The following KNL1 variants were observed in gnomAD, a reference collection of about 807,000 sequenced individuals.
The protein encoded by KNL1 is outer kinetochore KNL1 complex subunit KNL1.
KNL1 carries 66 observed loss-of-function variants against 201.3 expected under a neutral mutation model. The ratio of observed to expected loss-of-function variants is 0.33; its 90% confidence interval spans 0.27 to 0.40. The LOEUF is 0.40. Ranked by LOEUF, KNL1 falls within the 10% of genes least tolerant of loss-of-function variation. KNL1 has a pLI of 1.00. For missense variants in KNL1, 2,815 were observed against 2,690.5 expected (o/e 1.05, Z -1.02); for synonymous variants, 895 against 899.2 (o/e 1.00, Z 0.08).
rs1892519175 is a variant in KNL1, at chr15:40,621,347, AAC to A, written c.1085_1086del (p.Thr362SerfsTer3). ...ATGGAACTAAAGCTTCAGGAAATAAAACAGTTTTTAAGAGTAAACAAAATACT... is the reference window on the plus strand; with the variant it reads ...ATGGAACTAAAGCTTCAGGAAATAAAAGTTTTTAAGAGTAAACAAAATACT... ...GYGTKASGNK[T>X]VFKSKQNTAF... On this transcript the variant is annotated frameshift_variant, in exon 10 of 26. Transcript: ENST00000399668. LOFTEE classifies it high-confidence loss of function. 6.2e-7 allele frequency: 1 copy of A among 1,612,476 alleles called. No homozygotes were observed. The highest frequency in any genetic ancestry group is 1.3e-5 in the African/African-American group (1 of 74,820).
intron 3 of KNL1, 101 bp downstream of exon 3, chr15:40,605,250 G>T: frequency 1.5e-6 from 1 of 670,444 alleles, no homozygotes; most frequent in Non-Finnish European, 2.7e-6. Flanking sequence ...TACCCTTACT[G>T]GCTTCCTGTT....
intron 22 of KNL1, among the ~76,000 whole-genome samples, chr15:40,655,952 A>C (rs976013372): frequency 1.3e-5 from 2 of 152,054 alleles, no homozygotes; most frequent in Non-Finnish European, 2.9e-5. Flanking sequence ...GGTCTTGAGC[A>C]ATGATTAATA....
At chr15:40,646,944 C>A (rs1052367432) in intron 16 of KNL1, 43 bp from the exon 17 acceptor site, 8 of 709,354 alleles carry the variant, frequency 1.1e-5, no homozygotes, top group African/African-American at 3.7e-5. Context: ...ATAATATTTT[C>A]TTTAGAGGTT....
rs780508813 is a variant in KNL1, at chr15:40,624,439, T to A, written c.4175T>A (p.Ile1392Asn). The change falls in exon 10 of 26, where the codon ATT becomes AAT. Residue 1392 changes from isoleucine to asparagine, a missense_variant. Coordinates refer to ENST00000399668, the MANE Select transcript of KNL1 (RefSeq NM_144508.5). ...ACACTGCACAAAGATCAAGATCTGA[T>A]TAAGGATCCACGAAATCTATTGGCT... ...VITLHKDQDL[I>N]KDPRNLLANQ... The A allele has an allele frequency of 1.2e-6, 2 of 1,613,876 alleles. No individual in the cohort carries two copies. The highest frequency in any genetic ancestry group is 2.7e-5 in the African/African-American group (2 of 74,940).
chr15:40,642,470 T>C (rs573447462), intron 14 of KNL1, among the ~76,000 whole-genome samples: 3 of 152,314 alleles, frequency 2.0e-5, no homozygotes, highest in African/African-American at 7.2e-5. Context: ...TTCCTGATTC[T>C]GTTCATTTAA....
chr15:40,602,499 T>G (rs1891840032), intron 1 of KNL1, among the ~76,000 whole-genome samples: 1 of 147,110 alleles, frequency 6.8e-6, no homozygotes, highest in Non-Finnish European at 1.5e-5. Flanking sequence ...TTTTTTTTTT[T>G]TTTGGAGACA....
intron 9 of KNL1, among the ~76,000 whole-genome samples, chr15:40,619,678 A>T (rs921380143): frequency 6.6e-6 from 1 of 152,188 alleles, no homozygotes; most frequent in Non-Finnish European, 1.5e-5. Flanking sequence ...TGCTGGGATT[A>T]CAAGTGTGAG....
At chr15:40,634,478 C>A (rs1158215511) in intron 13 of KNL1, among the ~76,000 whole-genome samples, 1 of 152,160 alleles carries the variant, frequency 6.6e-6, no homozygotes, top group African/African-American at 2.4e-5. Context: ...ATTATATCTC[C>A]ATAAAGCTGT....
chr15:40,603,242 T>C lies in KNL1; in HGVS notation c.35+276T>C, dbSNP rs12708401. Among the ~76,000 whole-genome samples, 119,386 of 152,098 alleles carry C rather than the reference T, an allele frequency of 0.78. 47,853 individuals carry two copies. Among genetic ancestry groups the C allele is most frequent in the Non-Finnish European group, 0.85 (57,891 of 68,010 alleles). On this transcript the variant is annotated intron_variant, in intron 2 of 25. Transcript: ENST00000399668. ...CTAATGCTATCCCTCTCCCAGTCCCTCACCCCCTGGCAGGCCCCGGTGAGT... is the reference window on the plus strand; with the variant it reads ...CTAATGCTATCCCTCTCCCAGTCCCCCACCCCCTGGCAGGCCCCGGTGAGT...
chr15:40,602,187 C>T (rs1595912773), intron 1 of KNL1, among the ~76,000 whole-genome samples: 1 of 151,734 alleles, frequency 6.6e-6, no homozygotes, highest in East Asian at 2.0e-4. Context: ...CCACCGCGCC[C>T]AGCTAATTTT....
chr15:40,645,763 G>A lies in KNL1; in HGVS notation c.5997G>A (p.Gln1999=), dbSNP rs772748385. ...TGGCTCTGTATGGCAAGCTGGTGCA[G>A]TCAGCTCAGGTAATTTGAGACAGTT... The part of the protein sequence containing the change: ...GKVALYGKLV[Q]SAQNEREKLQ... The change falls in exon 16 of 26, where the codon CAG becomes CAA. Residue 1999 remains glutamine (Q), a synonymous_variant. Coordinates refer to ENST00000399668, the MANE Select transcript of KNL1 (RefSeq NM_144508.5). The A allele has an allele frequency of 6.4e-7, 1 of 1,559,888 alleles. No individual in the cohort carries two copies. Among genetic ancestry groups the A allele is most frequent in the Non-Finnish European group, 8.8e-7 (1 of 1,140,246 alleles).
In KNL1 at chr15:40,625,413, C is replaced by T. The variant is rs371528332; in HGVS notation, c.5149C>T (p.Pro1717Ser). The T allele has an allele frequency of 2.5e-6, 4 of 1,613,786 alleles. No individual in the cohort carries two copies. Among genetic ancestry groups the T allele is most frequent in the Non-Finnish European group, 2.5e-6 (3 of 1,179,876 alleles). The change falls in exon 10 of 26, where the codon CCT (proline) becomes TCT (serine). Residue 1717 changes from proline to serine, a missense_variant. By Grantham distance (74) the Pro-to-Ser change is moderately conservative (BLOSUM62 -1). Transcript: ENST00000399668. ...PSQYINEENL[P>S]VYPDEINSSD... ...TCAATATATAAATGAGGAAAATCTT[C>T]CTGTATATCCTGATGAGATCAATTC...
Position 40,652,123 on chromosome 15 carries a change from G to C in KNL1, c.6415+18G>C, listed in dbSNP as rs1460965157. 5.2e-6 allele frequency: 8 copies of C among 1,536,838 alleles called. No homozygotes were observed. The highest frequency in any genetic ancestry group is 7.2e-6 in the Non-Finnish European group (8 of 1,111,338). On this transcript the variant is annotated intron_variant, in intron 21 of 25. Coordinates refer to ENST00000399668, the MANE Select transcript of KNL1 (RefSeq NM_144508.5). Reference sequence around the variant, plus strand: ...GTCAGTTGGTAAGGAGCCAAAGTGAGATAATTCTTTTACAGAAAAATGAAT... The same window carrying C: ...GTCAGTTGGTAAGGAGCCAAAGTGACATAATTCTTTTACAGAAAAATGAAT...
At chr15:40,600,161 T>G (rs1232621870) in intron 1 of KNL1, among the ~76,000 whole-genome samples, 2 of 150,736 alleles carry the variant, frequency 1.3e-5, no homozygotes, top group African/African-American at 2.4e-5. Flanking sequence ...CTGTAACCTC[T>G]GTCCCCTGGG....
At chr15:40,629,430 A>C in intron 13 of KNL1, 59 bp downstream of exon 13, 5 of 1,237,880 alleles carry the variant, frequency 4.0e-6, no homozygotes, top group East Asian at 2.5e-5. Flanking sequence ...TTAAAAGCAC[A>C]AAAAGAATGG....
rs1892560047 is a variant in KNL1, at chr15:40,622,214, C to A, written c.1950C>A (p.Pro650=). ...AAGATTGGGTTTTGAAGATTTTGCC[C>A]TACCTTGATAAAGATTCTCCTCAGT... ...KDKDWVLKIL[P]YLDKDSPQSA... is the part of the protein sequence containing the mutation. The change falls in exon 10 of 26, where the codon CCC becomes CCA. Residue 650 remains proline, a synonymous_variant. Transcript: ENST00000399668. 1 of 1,613,946 alleles carries A rather than the reference C, an allele frequency of 6.2e-7. No homozygotes were observed. The highest frequency in any genetic ancestry group is 8.5e-7 in the Non-Finnish European group (1 of 1,179,968).
chr15:40,656,182 G>C (rs1470575881), intron 22 of KNL1, among the ~76,000 whole-genome samples: 1 of 152,150 alleles, frequency 6.6e-6, no homozygotes, highest in African/African-American at 2.4e-5. Flanking sequence ...TGTAATCCCA[G>C]CACTTTGGGA....
chr15:40,649,393 T>G (rs528333345), intron 17 of KNL1, among the ~76,000 whole-genome samples: 1 of 151,716 alleles, frequency 6.6e-6, no homozygotes, highest in African/African-American at 2.4e-5. Flanking sequence ...CCTCCTGGAT[T>G]CAAGCAATTC....
intron 2 of KNL1, among the ~76,000 whole-genome samples, chr15:40,603,573 A>G (rs76358891): frequency 0.013 from 1,915 of 152,308 alleles, 34 homozygotes; most frequent in African/African-American, 0.044. Flanking sequence ...CCTGAGCAAC[A>G]TAGTAAGACA....
Sources: gnomAD v4.1 joint callset for allele counts (sites outside exome capture counted in the v4.1 genomes callset) on GRCh38, gnomAD v4.1.1 for gene constraint, MANE v1.5 for transcripts, NCBI Gene and HGNC (gene_info 2026-07-23, HGNC 2026-07-21) for gene names.